SLA2: variants seen among roughly 807,000 people sequenced by gnomAD.
The protein encoded by SLA2 is src-like-adapter 2.
A neutral mutation model predicts 27.3 loss-of-function variants in SLA2; 22 were observed. The observed-to-expected ratio is 0.81, with a 90% CI of 0.58 to 1.15. SLA2 has a LOEUF of 1.15. Among genes scored for constraint, SLA2 ranks in the 50% most tolerant of loss-of-function variants. SLA2 has a pLI of 0.00. For synonymous variants in SLA2, 131 were observed against 137.8 expected, an observed-to-expected ratio of 0.95 and a Z score of 0.34; for missense variants, 304 against 322.2, an observed-to-expected ratio of 0.94 and a Z score of 0.43.
chr20:36,619,499 C>T (rs2147979347), intron 5 of SLA2, among the ~76,000 whole-genome samples: 1 of 151,318 alleles, frequency 6.6e-6, no homozygotes, highest in South Asian at 2.1e-4. Context: ...GCACTCCAGC[C>T]TGGGCAATAT....
intron 2 of SLA2, among the ~76,000 whole-genome samples, chr20:36,638,996 G>A (rs963618474): frequency 2.6e-5 from 4 of 152,050 alleles, no homozygotes; most frequent in African/African-American, 4.8e-5. Flanking sequence ...ACAGGCGTGC[G>A]CCACCATGCT....
At chr20:36,629,360 G>A (rs1262176952) in intron 5 of SLA2, among the ~76,000 whole-genome samples, 2 of 151,676 alleles carry the variant, frequency 1.3e-5, no homozygotes, top group East Asian at 2.0e-4. Context: ...CGCTGGGCGC[G>A]GTGGCTCATG....
chr20:36,617,387 G>C (rs1337375433), intron 5 of SLA2, among the ~76,000 whole-genome samples: 1 of 151,410 alleles, frequency 6.6e-6, no homozygotes, highest in Non-Finnish European at 1.5e-5. Flanking sequence ...AAATAAACAA[G>C]GCTGGGCAGA....
chr20:36,618,294 T>A (rs1801516900), intron 5 of SLA2, among the ~76,000 whole-genome samples: 1 of 152,038 alleles, frequency 6.6e-6, no homozygotes, highest in African/African-American at 2.4e-5. Flanking sequence ...TGGAGTGCAG[T>A]GGCATGATCT....
intron 1 of SLA2, among the ~76,000 whole-genome samples, chr20:36,644,479 C>A (rs1978286096): frequency 6.6e-6 from 1 of 152,240 alleles, no homozygotes; most frequent in African/African-American, 2.4e-5. Flanking sequence ...TTCAGGAAGA[C>A]CACAGTTACC....
At chr20:36,625,181 GTTCCTGTATTA>G (rs1189511433) in intron 5 of SLA2, among the ~76,000 whole-genome samples, 1 of 143,336 alleles carries the variant, frequency 7.0e-6, no homozygotes, top group East Asian at 2.1e-4. Context: ...CAAGTATTTA[GTTCCTGTATTA>G]TTCTCATCAG....
intron 5 of SLA2, among the ~76,000 whole-genome samples, chr20:36,615,585 CAG>C (rs2039200468): frequency 6.6e-6 from 1 of 152,176 alleles, no homozygotes; most frequent in African/African-American, 2.4e-5. Flanking sequence ...AAATCACACA[CAG>C]AGCCCTCAGT....
chr20:36,629,689 G>T (rs1177896697), intron 5 of SLA2, among the ~76,000 whole-genome samples: 2 of 152,076 alleles, frequency 1.3e-5, no homozygotes, highest in African/African-American at 4.8e-5. Flanking sequence ...CAGGAGACTC[G>T]CTTGAACCCA....
chr20:36,635,478 G>A (rs917691240), intron 2 of SLA2, among the ~76,000 whole-genome samples: 2 of 151,638 alleles, frequency 1.3e-5, no homozygotes, highest in East Asian at 1.9e-4. Flanking sequence ...AAGGATGGGG[G>A]TGTTGGGTGG....
rs763313724 is a variant in SLA2, at chr20:36,613,973, A to T, written c.679T>A (p.Ser227Thr). The change falls in exon 8 of 8, where the codon TCT becomes ACT. Residue 227 changes from serine (S) to threonine (T), a missense_variant. Transcript: ENST00000262866. ...GACTCCTCCCCTGTGGCAGCTTCAG[A>T]AAACAGGAGGGAGCTGTGGACAAAG... is the stretch of plus-strand genomic sequence containing the variant. ...WKELDSSLLFSEAATGEESLL... is the reference protein window; with the variant it reads ...WKELDSSLLFTEAATGEESLL... 1 of 1,613,958 alleles carries T rather than the reference A, an allele frequency of 6.2e-7. No individual in the cohort carries two copies. Among genetic ancestry groups the T allele is most frequent in the Non-Finnish European group, 8.5e-7 (1 of 1,180,000 alleles).
At chr20:36,631,156 T>A (rs914667274) in intron 5 of SLA2, among the ~76,000 whole-genome samples, 1 of 151,662 alleles carries the variant, frequency 6.6e-6, no homozygotes, top group Non-Finnish European at 1.5e-5. Context: ...CCATTCACAT[T>A]CACTTTTATT....
At chr20:36,633,495 A>G (rs1380439346) in intron 4 of SLA2, 48 bp downstream of exon 4, 2 of 1,476,652 alleles carry the variant, frequency 1.4e-6, no homozygotes, top group Non-Finnish European at 1.9e-6. Flanking sequence ...TTCTTGTGGG[A>G]GGAGAAAGCA....
chr20:36,634,033 G>T lies in SLA2; in HGVS notation c.192-404C>A, dbSNP rs146824809. ...AGACAGAGTTTTGCTCGTCGCCCAG[G>T]CTGGAGTGCAATGGCGTGATCTCAG... On this transcript the variant is annotated intron_variant, in intron 3 of 7. Coordinates refer to ENST00000262866, the MANE Select transcript of SLA2 (RefSeq NM_032214.4). Among the ~76,000 whole-genome samples, 321 of 151,910 alleles carry T rather than the reference G, an allele frequency of 2.1e-3. 3 individuals carry two copies. In the East Asian group the frequency reaches 0.056, roughly 27 times the overall value.
intron 3 of SLA2, among the ~76,000 whole-genome samples, chr20:36,634,133 G>A (rs565030937): frequency 4.6e-5 from 7 of 151,848 alleles, no homozygotes; most frequent in Admixed American, 6.6e-5. Flanking sequence ...GATTACAGGC[G>A]TCTGCCACCA....
chr20:36,620,916 T>C, intron 5 of SLA2: 1 of 302,846 alleles, frequency 3.3e-6, no homozygotes, highest in Non-Finnish European at 6.6e-6. Flanking sequence ...AAAAAGGCCC[T>C]TACTAAATAA....
chr20:36,615,040 G>A (rs1483474299), intron 6 of SLA2, 185 bp downstream of exon 6: 1 of 985,282 alleles, frequency 1.0e-6, no homozygotes, highest in Admixed American at 6.1e-5. Flanking sequence ...TTTCTGCCAG[G>A]GCACGAGGTG....
chr20:36,641,139 G>A, intron 2 of SLA2, 106 bp downstream of exon 2: 1 of 923,040 alleles, frequency 1.1e-6, no homozygotes, highest in East Asian at 2.5e-5. Context: ...CAGGCCCTCA[G>A]CGGTGCTTAC....
intron 5 of SLA2, among the ~76,000 whole-genome samples, chr20:36,623,700 C>T (rs1055871963): frequency 6.6e-6 from 1 of 151,478 alleles, no homozygotes; most frequent in South Asian, 2.1e-4. Context: ...CACTGTGTTG[C>T]TCAGGCAGGC....
At chr20:36,634,956 T>A (rs1320475595) in intron 2 of SLA2, among the ~76,000 whole-genome samples, 2 of 152,054 alleles carry the variant, frequency 1.3e-5, no homozygotes, top group African/African-American at 4.8e-5. Context: ...GCCTCCTGAG[T>A]GGCTGGGACT....
Sources: allele counts gnomAD v4.1 joint callset (sites outside exome capture counted in the v4.1 genomes callset), GRCh38; gene constraint gnomAD v4.1.1; transcripts MANE v1.5; gene names NCBI Gene and HGNC (gene_info 2026-07-23, HGNC 2026-07-21).